The following SEPHS1 variants were observed in gnomAD, a reference collection of about 807,000 sequenced individuals.
SEPHS1 encodes the protein zincore component SEPHS1.
SEPHS1 carries 7 observed loss-of-function variants against 39.2 expected under a neutral mutation model. That is an observed-to-expected ratio of 0.18 (90% confidence interval 0.10 to 0.34). The LOEUF (loss-of-function observed/expected upper bound fraction) is 0.34, where lower values mean the gene tolerates loss of function less well. Among genes scored for constraint, SEPHS1 ranks in the 10% least tolerant of loss-of-function variants. The probability of loss-of-function intolerance (pLI) is 1.00; values close to 1 mark genes in which losing one functional copy is unlikely to be tolerated. For missense variants in SEPHS1, 253 were observed against 514.5 expected (o/e 0.49, Z 4.92); for synonymous variants, 190 against 195.5 (o/e 0.97, Z 0.23).
chr10:13,322,377 C>T (rs1833143919), intron 8 of SEPHS1, among the ~76,000 whole-genome samples: 1 of 152,032 alleles, frequency 6.6e-6, no homozygotes, highest in African/African-American at 2.4e-5. Flanking sequence ...AACTCCTGAT[C>T]TCACGTGATG....
chr10:13,325,895 C>CAA (rs562038894), intron 7 of SEPHS1, among the ~76,000 whole-genome samples: 2 of 26,448 alleles, frequency 7.6e-5, no homozygotes, highest in African/African-American at 2.1e-4. Context: ...GACTCCGTCT[C>CAA]AAAAAAAAAA....
chr10:13,335,343 C>T (rs1218884226), intron 4 of SEPHS1, among the ~76,000 whole-genome samples: 1 of 152,190 alleles, frequency 6.6e-6, no homozygotes, highest in Admixed American at 6.5e-5. Flanking sequence ...CACACTGAGG[C>T]ACCATTACTA....
intron 5 of SEPHS1, among the ~76,000 whole-genome samples, chr10:13,330,422 C>T (rs544899473): frequency 2.6e-5 from 4 of 152,224 alleles, no homozygotes; most frequent in African/African-American, 7.2e-5. Flanking sequence ...CACCCAGACG[C>T]CTTGGTGGTC....
intron 2 of SEPHS1, among the ~76,000 whole-genome samples, chr10:13,343,259 C>T (rs993990945): frequency 2.6e-5 from 4 of 152,230 alleles, no homozygotes; most frequent in South Asian, 2.1e-4. Flanking sequence ...AGTATATTCT[C>T]ATTTCTCGAC....
chr10:13,347,080 C>G (rs1833943716), intron 1 of SEPHS1, among the ~76,000 whole-genome samples: 2 of 152,112 alleles, frequency 1.3e-5, no homozygotes, highest in African/African-American at 4.8e-5. Flanking sequence ...TAATAAGGGA[C>G]GGTGCCCGGC....
Position 13,344,870 on chromosome 10 carries a change from C to T in SEPHS1, c.81G>A (p.Lys27=), listed in dbSNP as rs1833882110. 1.2e-6 allele frequency: 2 copies of T among 1,607,002 alleles called. No homozygotes were observed. Among genetic ancestry groups the T allele is most frequent in the East Asian group, 4.5e-5 (2 of 44,576 alleles). ...SFRLTRFTEL[K]GTGCKVPQDV... Reference sequence around the variant, plus strand: ...CTTGGGGCACTTTGCAGCCTGTGCCCTTCAGTTCAGTGAATCTGGTTAGCC... The same window carrying T: ...CTTGGGGCACTTTGCAGCCTGTGCCTTTCAGTTCAGTGAATCTGGTTAGCC... Residue 27 remains lysine, a synonymous_variant, in exon 2 of 9, where the codon AAG becomes AAA. Coordinates refer to ENST00000327347, the MANE Select transcript of SEPHS1 (RefSeq NM_012247.5).
At chr10:13,336,505 G>A (rs1833640220) in intron 3 of SEPHS1, 155 bp from the exon 4 acceptor site, 1 of 660,394 alleles carries the variant, frequency 1.5e-6, no homozygotes, top group Admixed American at 2.3e-5. Flanking sequence ...TTTGCAGACT[G>A]GCAACCTTTC....
chr10:13,325,761 G>C (rs1400777513), intron 7 of SEPHS1, among the ~76,000 whole-genome samples: 3 of 151,472 alleles, frequency 2.0e-5, no homozygotes, highest in Admixed American at 2.0e-4. Flanking sequence ...GTGGGGTGTG[G>C]TGGCGTGCGC....
intron 2 of SEPHS1, among the ~76,000 whole-genome samples, chr10:13,341,132 C>T (rs1290182723): frequency 2.0e-5 from 3 of 151,982 alleles, no homozygotes; most frequent in African/African-American, 4.8e-5. Context: ...TTGGACAGCA[C>T]TGGTCTACAG....
chr10:13,322,549 G>A (rs532534502), intron 8 of SEPHS1, among the ~76,000 whole-genome samples: 5 of 152,264 alleles, frequency 3.3e-5, no homozygotes, highest in South Asian at 4.1e-4. Context: ...TTTCAAATGC[G>A]AAGCTTTCAG....
At chr10:13,337,159 CA>C (rs113227904) in intron 3 of SEPHS1, among the ~76,000 whole-genome samples, 5 of 140,418 alleles carry the variant, frequency 3.6e-5, no homozygotes, top group Admixed American at 7.1e-5. Flanking sequence ...TAAACAACAA[CA>C]AAAAAAAAAC....
chr10:13,342,265 T>G (rs2130694863), intron 2 of SEPHS1, among the ~76,000 whole-genome samples: 1 of 124,060 alleles, frequency 8.1e-6, no homozygotes, highest in Middle Eastern at 4.5e-3. Flanking sequence ...AGACTCCGTC[T>G]CAAAAAAAAA....
At chr10:13,342,097 C>T (rs888968228) in intron 2 of SEPHS1, among the ~76,000 whole-genome samples, 2 of 151,042 alleles carry the variant, frequency 1.3e-5, no homozygotes, top group Admixed American at 6.6e-5. Context: ...GAAACCCCGT[C>T]TCTACTAAAA....
intron 7 of SEPHS1, among the ~76,000 whole-genome samples, chr10:13,325,157 A>T (rs1233530722): frequency 1.3e-5 from 2 of 152,076 alleles, no homozygotes; most frequent in African/African-American, 4.8e-5. Flanking sequence ...GAAGTTTTTT[A>T]TATTAATAAA....
rs187513706 is a variant in SEPHS1, at chr10:13,326,420, G to C, written c.751+1931C>G. On this transcript the variant is annotated intron_variant, in intron 7 of 8. Transcript: ENST00000327347. ...AGTCGGAAGGCGGAGGTTGCGGTGA[G>C]CCAAGATCCTGCCACTGCACTTCAG... Among the ~76,000 whole-genome samples the C allele has an allele frequency of 5.5e-3, 822 of 149,912 alleles. 7 individuals are homozygous for C. Among genetic ancestry groups the C allele is most frequent in the African/African-American group, 0.019 (784 of 40,756 alleles).
intron 5 of SEPHS1, among the ~76,000 whole-genome samples, chr10:13,330,423 C>T (rs564305379): frequency 6.6e-6 from 1 of 152,272 alleles, no homozygotes; most frequent in South Asian, 2.1e-4. Flanking sequence ...ACCCAGACGC[C>T]TTGGTGGTCC....
At chr10:13,322,002 C>A (rs1422087833) in intron 8 of SEPHS1, 2 of 453,532 alleles carry the variant, frequency 4.4e-6, no homozygotes, top group African/African-American at 4.0e-5. Context: ...GCTCTCTCTA[C>A]CTACGCTTGC....
intron 2 of SEPHS1, among the ~76,000 whole-genome samples, chr10:13,339,096 A>G (rs1302506524): frequency 6.6e-6 from 1 of 152,182 alleles, no homozygotes; most frequent in Admixed American, 6.5e-5. Flanking sequence ...TCACTGTATG[A>G]CTTTTATTAT....
At chr10:13,342,062 G>A (rs1041653556) in intron 2 of SEPHS1, among the ~76,000 whole-genome samples, 5 of 148,382 alleles carry the variant, frequency 3.4e-5, no homozygotes, top group South Asian at 4.3e-4. Context: ...GGCGGATCAC[G>A]AGGTCAGGAG....
Sources: gnomAD v4.1 joint callset for allele counts (sites outside exome capture counted in the v4.1 genomes callset) on GRCh38, gnomAD v4.1.1 for gene constraint, MANE v1.5 for transcripts, NCBI Gene and HGNC (gene_info 2026-07-23, HGNC 2026-07-21) for gene names.